The following PPP5C variants were observed in gnomAD, a reference collection of about 807,000 sequenced individuals.
PPP5C encodes the protein serine/threonine-protein phosphatase 5.
PPP5C carries 21 observed loss-of-function variants against 66.7 expected under a neutral mutation model. That is an observed-to-expected ratio of 0.31 (90% confidence interval 0.22 to 0.45). PPP5C has a LOEUF of 0.45. Ranked by LOEUF, PPP5C falls within the 20% of genes least tolerant of loss-of-function variation. The probability of loss-of-function intolerance (pLI) is 1.00; values close to 1 mark genes in which losing one functional copy is unlikely to be tolerated. For synonymous variants in PPP5C, 246 were observed against 257.4 expected, an observed-to-expected ratio of 0.96 and a Z score of 0.43; for missense variants, 464 against 675.9, an observed-to-expected ratio of 0.69 and a Z score of 3.48.
chr19:46,378,366 T>C (rs1034221274), intron 4 of PPP5C, among the ~76,000 whole-genome samples: 1 of 152,224 alleles, frequency 6.6e-6, no homozygotes, highest in Non-Finnish European at 1.5e-5. Flanking sequence ...GATGATTCCA[T>C]TGGGGCTATT....
chr19:46,381,060 C>T (rs1972782570), intron 4 of PPP5C, among the ~76,000 whole-genome samples: 1 of 152,078 alleles, frequency 6.6e-6, no homozygotes, highest in Admixed American at 6.6e-5. Flanking sequence ...ATTCTTTTCA[C>T]GATTTTTCCT....
intron 2 of PPP5C, among the ~76,000 whole-genome samples, chr19:46,359,777 C>CTTTTT (rs35982365): frequency 9.9e-5 from 12 of 121,726 alleles, no homozygotes; most frequent in African/African-American, 2.9e-4. Flanking sequence ...TCGGATTAGA[C>CTTTTT]TTTTTTTTTT....
intron 1 of PPP5C, among the ~76,000 whole-genome samples, 167 bp downstream of exon 1, chr19:46,347,384 G>C (rs1030654873): frequency 5.3e-5 from 8 of 152,172 alleles, no homozygotes; most frequent in African/African-American, 1.9e-4. Flanking sequence ...GACATAGGGG[G>C]CTTCGGAGAG....
intron 2 of PPP5C, among the ~76,000 whole-genome samples, chr19:46,366,817 G>A (rs925488204): frequency 2.0e-5 from 3 of 152,222 alleles, no homozygotes; most frequent in African/African-American, 4.8e-5. Context: ...CACGTAGCAC[G>A]TGGCTTCAGG....
In PPP5C at chr19:46,375,710, A is replaced by G; in HGVS notation, c.470A>G (p.His157Arg). 6.2e-7 allele frequency: 1 copy of G among 1,611,044 alleles called. No individual in the cohort carries two copies. The highest frequency in any genetic ancestry group is 8.5e-7 in the Non-Finnish European group (1 of 1,178,536). ...AFERAIAGDE[H>R]KRSVVDSLDI... ...GAGCGGGCCATCGCGGGCGACGAGC[A>G]CAAGCGCTCCGTGGTGGACTCGCTG... Residue 157 changes from histidine to arginine, a missense_variant, in exon 3 of 13, where the codon CAC becomes CGC. Physicochemically the swap from His to Arg is conservative, Grantham distance 29 (BLOSUM62 0). Coordinates refer to ENST00000012443, the MANE Select transcript of PPP5C (RefSeq NM_006247.4).
At chr19:46,358,404 TC>T (rs914932303) in intron 2 of PPP5C, among the ~76,000 whole-genome samples, 2 of 152,162 alleles carry the variant, frequency 1.3e-5, no homozygotes, top group Admixed American at 6.6e-5. Flanking sequence ...AATATATGGC[TC>T]CCCCCTTTCA....
In PPP5C at chr19:46,388,389, T is replaced by TTCCC. The variant is rs1188662322; in HGVS notation, c.1136-16_1136-13dup. 6 of 1,606,996 alleles carry TTCCC rather than the reference T, an allele frequency of 3.7e-6. No homozygotes were observed. Among genetic ancestry groups the TTCCC allele is most frequent in the Non-Finnish European group, 5.1e-6 (6 of 1,175,360 alleles). On this transcript the variant is annotated intron_variant, in intron 9 of 12. Transcript: ENST00000012443. This position sits in a 1 kb window ranked among gnomAD's most constrained non-coding sequence, Gnocchi z 4.9. ...GGGGAGGTGGACGAGTCCCTAATGT[T>TTCCC]TCCCTCGCTCCCCACCAGGGCCCAT...
intron 2 of PPP5C, among the ~76,000 whole-genome samples, chr19:46,359,826 C>G (rs555174367): frequency 7.3e-6 from 1 of 137,090 alleles, no homozygotes; most frequent in South Asian, 2.3e-4. Context: ...GTTGCCCAGG[C>G]AGGAGTGCAA....
In PPP5C at chr19:46,347,107, C is replaced by A; in HGVS notation, c.11C>A (p.Ala4Glu). Reference sequence around the variant, plus strand: ...GGGTCGCTTTGCGGCATGGCGATGGCGGAGGGCGAGAGGACTGAGTGTGCT... The same window carrying A: ...GGGTCGCTTTGCGGCATGGCGATGGAGGAGGGCGAGAGGACTGAGTGTGCT... The part of the protein sequence containing the change: MAM[A>E]EGERTECAEP... Residue 4 changes from alanine to glutamate, a missense_variant, in exon 1 of 13, where the codon GCG becomes GAG. Around this residue, in one of 2 missense-constraint regions of PPP5C, gnomAD observed 77 missense variants for 49.9 expected, o/e 1.54. Coordinates refer to ENST00000012443, the MANE Select transcript of PPP5C (RefSeq NM_006247.4). 1 of 1,601,928 alleles carries A rather than the reference C, an allele frequency of 6.2e-7. No individual in the cohort carries two copies.
At chr19:46,382,829 C>T (rs1421231340) in intron 4 of PPP5C, 1 of 1,033,956 alleles carries the variant, frequency 9.7e-7, no homozygotes, top group Non-Finnish European at 1.2e-6. Context: ...AATCTGGAAA[C>T]ATTGACAAAT....
At position 46,390,387 on chromosome 19, in the gene PPP5C, T is replaced by C; in HGVS notation, c.*41T>C. On this transcript the variant is annotated 3_prime_UTR_variant, in exon 13 of 13. Coordinates refer to ENST00000012443, the MANE Select transcript of PPP5C (RefSeq NM_006247.4). Reference sequence around the variant, plus strand: ...GGCCTGCATCCCAGGGCCCCTCCAATCCCACCGGACCCAGGCCCTGGGCTA... The same window carrying C: ...GGCCTGCATCCCAGGGCCCCTCCAACCCCACCGGACCCAGGCCCTGGGCTA... The C allele has an allele frequency of 6.4e-7, 1 of 1,552,696 alleles. No individual in the cohort carries two copies. The highest frequency in any genetic ancestry group is 8.7e-7 in the Non-Finnish European group (1 of 1,148,318).
At chr19:46,373,375 C>G (rs973260216) in intron 2 of PPP5C, among the ~76,000 whole-genome samples, 3 of 152,212 alleles carry the variant, frequency 2.0e-5, no homozygotes, top group African/African-American at 4.8e-5. Context: ...TCTTGTCTGT[C>G]AGATGAGGAT....
At chr19:46,351,005 A>G (rs1834682758) in intron 1 of PPP5C, among the ~76,000 whole-genome samples, 1 of 152,042 alleles carries the variant, frequency 6.6e-6, no homozygotes, top group Non-Finnish European at 1.5e-5. Context: ...CCCCCGTCTC[A>G]TGTCTGAGTC....
At chr19:46,355,458 G>A (rs966672288) in intron 2 of PPP5C, among the ~76,000 whole-genome samples, 2 of 152,168 alleles carry the variant, frequency 1.3e-5, no homozygotes, top group Non-Finnish European at 2.9e-5. Context: ...CTGGCTGTTG[G>A]CCGCTGGCCT....
Position 46,363,337 on chromosome 19 carries a change from A to C in PPP5C, c.363+9348A>C, listed in dbSNP as rs1158303744. ...AAAAAAAAAAAAAAAAAAAAAAAAA[A>C]AAAAAAAAAACAATTTTAAACTAGT... On this transcript the variant is annotated intron_variant, in intron 2 of 12. Transcript: ENST00000012443. Among the ~76,000 whole-genome samples the C allele has an allele frequency of 7.0e-4, 87 of 124,952 alleles. 1 individual carries two copies. The highest frequency in any genetic ancestry group is 1.1e-3 in the Non-Finnish European group (65 of 57,024). 82.0% of individuals were successfully genotyped at this position (124,952 alleles called of 152,430 possible).
chr19:46,376,442 T>G lies in PPP5C; in HGVS notation c.512-11T>G. ...GTCACTGACTCTCGTGTCCCGTTGTTCACACCCTAGCCATTGAGGATGAGT... is the reference window on the plus strand; with the variant it reads ...GTCACTGACTCTCGTGTCCCGTTGTGCACACCCTAGCCATTGAGGATGAGT... On this transcript the variant is annotated splice_polypyrimidine_tract_variant and intron_variant, in intron 3 of 12. Transcript: ENST00000012443. The surrounding 1 kb of genome is among the most constrained non-coding windows in gnomAD (Gnocchi z 5.1). 6.2e-7 allele frequency: 1 copy of G among 1,612,922 alleles called. No homozygotes were observed. The highest frequency in any genetic ancestry group is 8.5e-7 in the Non-Finnish European group (1 of 1,179,270).
chr19:46,349,533 G>A lies in PPP5C; in HGVS notation c.121+2316G>A, dbSNP rs1469420706. Among the ~76,000 whole-genome samples the A allele has an allele frequency of 5.9e-5, 9 of 151,920 alleles. No homozygotes were observed. The South Asian group carries it at 1.9e-3, about 32-fold the overall frequency. ...ATCCGGTGGGAGCCGTGAGAGGGAG[G>A]TAGGACCAGTGAGAGATGAGGCCAG... On this transcript the variant is annotated intron_variant, in intron 1 of 12. Transcript: ENST00000012443.
intron 9 of PPP5C, chr19:46,387,835 T>C (rs770064730): frequency 3.7e-5 from 33 of 885,488 alleles, no homozygotes; most frequent in Non-Finnish European, 4.5e-5. Flanking sequence ...GCAGAGGACA[T>C]GGATTGGGTG....
chr19:46,377,265 C>T (rs920938087), intron 4 of PPP5C, among the ~76,000 whole-genome samples: 2 of 152,240 alleles, frequency 1.3e-5, no homozygotes, highest in African/African-American at 4.8e-5. Context: ...TACCTTCCCA[C>T]ATACTAGCTG....
Sources: gnomAD v4.1 joint callset for allele counts (sites outside exome capture counted in the v4.1 genomes callset) on GRCh38, gnomAD v4.1.1 for gene constraint, gnomAD v4.1.1 regional missense constraint, Gnocchi (gnomAD v3.1) non-coding constraint, MANE v1.5 for transcripts, NCBI Gene and HGNC (gene_info 2026-07-23, HGNC 2026-07-21) for gene names.